PRR27: variants seen among roughly 807,000 people sequenced by gnomAD.
The protein encoded by PRR27 is proline rich 27.
Under a neutral mutation model 16.8 loss-of-function variants are expected in PRR27, and 12 were observed. The observed-to-expected ratio is 0.71, with a 90% CI of 0.46 to 1.16. The LOEUF (loss-of-function observed/expected upper bound fraction) is 1.16. PRR27 is among the 50% of genes most tolerant of loss of function. The probability of loss-of-function intolerance (pLI) is 0.00; values close to 1 mark genes in which losing one functional copy is unlikely to be tolerated. For missense variants in PRR27, 277 were observed against 273.3 expected (o/e 1.01, Z -0.10); for synonymous variants, 100 against 98.4 (o/e 1.02, Z -0.10).
rs192268897 is a variant in PRR27 at position 70,159,653 on chromosome 4, G to A, written c.648+753G>A. ...TTATTATATCTATAACATACACAAC[G>A]TGTACATAATGTGTATATGTAGTAC... On this transcript the variant is annotated intron_variant, in intron 3 of 4. Coordinates refer to ENST00000344526, the MANE Select transcript of PRR27 (RefSeq NM_214711.4). Among the ~76,000 whole-genome samples the A allele has an allele frequency of 1.1e-4, 17 of 152,116 alleles. No individual in the cohort carries two copies. In the East Asian group the frequency reaches 1.4e-3, roughly 12 times the overall value.
chr4:70,165,761 G>C lies in PRR27; in HGVS notation c.*3100G>C, dbSNP rs1442773569. 2 of 152,064 alleles carry C rather than the reference G, an allele frequency of 1.3e-5. No homozygotes were observed. Among genetic ancestry groups the C allele is most frequent in the African/African-American group, 4.8e-5 (2 of 41,424 alleles). 9.4% of individuals were successfully genotyped at this position (152,064 alleles called of 1,614,324 possible). A position where few individuals can be genotyped will look rare whatever the true frequency, so the allele number is the denominator to read the frequency against. On this transcript the variant is annotated 3_prime_UTR_variant, in exon 5 of 5. Coordinates refer to ENST00000344526, the MANE Select transcript of PRR27 (RefSeq NM_214711.4). The stretch of plus-strand genomic sequence containing the variant: ...GATATAATGTCATTGCTTACAGAAG[G>C]TGACTGATTCTTATTCAGTGCTACT...
chr4:70,155,332 G>A (rs1469169538), intron 1 of PRR27, among the ~76,000 whole-genome samples: 1 of 151,056 alleles, frequency 6.6e-6, no homozygotes, highest in African/African-American at 2.4e-5. Context: ...CTGTGAAGAG[G>A]TGGCAAAGAC....
intron 1 of PRR27, chr4:70,154,711 A>G (rs985608937): frequency 5.5e-5 from 75 of 1,366,454 alleles, no homozygotes; most frequent in Non-Finnish European, 7.2e-5. Context: ...TCCCACGTAG[A>G]TTATCTTAAC....
In PRR27 at chr4:70,154,494, T is replaced by C. The variant is rs537659763; in HGVS notation, c.51+68T>C. 1.7e-5 allele frequency: 21 copies of C among 1,245,590 alleles called. No individual in the cohort carries two copies. The East Asian group carries it at 4.9e-4, about 29-fold the overall frequency. 77.2% of individuals were successfully genotyped at this position (1,245,590 alleles called of 1,614,324 possible). A position where few individuals can be genotyped will look rare whatever the true frequency, so the allele number is the denominator to read the frequency against. Reference sequence around the variant, plus strand: ...TTTGCTAATTGTTTATAGGCATTTGTGCTTATGATAAAGTACTATAGTGTT... The same window carrying C: ...TTTGCTAATTGTTTATAGGCATTTGCGCTTATGATAAAGTACTATAGTGTT... On this transcript the variant is annotated intron_variant, in intron 1 of 4. Coordinates refer to ENST00000344526, the MANE Select transcript of PRR27 (RefSeq NM_214711.4).
chr4:70,157,072 T>G lies in PRR27; in HGVS notation c.75+995T>G, dbSNP rs548579864. ...ACAATGCAAATAATTGATATTTGCC[T>G]CTATGAACACCTGGGGACATATATT... On this transcript the variant is annotated intron_variant, in intron 2 of 4. Transcript: ENST00000344526. 2.0e-5 allele frequency among the ~76,000 whole-genome samples: 3 copies of G among 152,208 alleles called. No homozygotes were observed. In the East Asian group the frequency reaches 5.8e-4, roughly 29 times the overall value.
At chr4:70,160,999 C>T (rs1234197618) in intron 3 of PRR27, among the ~76,000 whole-genome samples, 1 of 151,642 alleles carries the variant, frequency 6.6e-6, no homozygotes, top group Non-Finnish European at 1.5e-5. Context: ...TTAAGATATT[C>T]ACCAAGGGGT....
Position 70,154,431 on chromosome 4 carries a change from G to T in PRR27, c.51+5G>T. The T allele has an allele frequency of 6.2e-7, 1 of 1,608,500 alleles. No homozygotes were observed. Among genetic ancestry groups the T allele is most frequent in the African/African-American group, 1.3e-5 (1 of 74,890 alleles). ...TGTGTTGCTTTTGCAAGGAAGGTAA[G>T]TAAATGGACTTCCAAAATTGTAACA... On this transcript the variant is annotated splice_donor_5th_base_variant and intron_variant, in intron 1 of 4. Transcript: ENST00000344526.
chr4:70,157,065 A>G (rs1728498975), intron 2 of PRR27, among the ~76,000 whole-genome samples: 2 of 152,118 alleles, frequency 1.3e-5, no homozygotes, highest in Admixed American at 6.6e-5. Context: ...AATAATTGAT[A>G]TTTGCCTCTA....
At chr4:70,154,651 A>C (rs1405403325) in intron 1 of PRR27, 1 of 902,764 alleles carries the variant, frequency 1.1e-6, no homozygotes, top group Non-Finnish European at 1.7e-6. Flanking sequence ...AAAGGAGGTA[A>C]GTTCATAAAT....
chr4:70,155,061 T>TCAGG (rs1474006817), intron 1 of PRR27, among the ~76,000 whole-genome samples: 13 of 152,144 alleles, frequency 8.5e-5, no homozygotes, highest in Admixed American at 3.3e-4. Flanking sequence ...TATAAAGTGC[T>TCAGG]TAGCAGAGTA....
chr4:70,154,303 A>G lies in PRR27; in HGVS notation c.-73A>G, dbSNP rs566717318. Reference sequence around the variant, plus strand: ...CGTTTCTCTCTAAAAGAAGAAAAATATAATTTAAAAATACATTGCGTATTT... The same window carrying G: ...CGTTTCTCTCTAAAAGAAGAAAAATGTAATTTAAAAATACATTGCGTATTT... On this transcript the variant is annotated 5_prime_UTR_variant, in exon 1 of 5. The change creates a new upstream start codon in the 5' untranslated region. Coordinates refer to ENST00000344526, the MANE Select transcript of PRR27 (RefSeq NM_214711.4). The G allele has an allele frequency of 3.2e-5, 40 of 1,258,502 alleles. No homozygotes were observed. Among genetic ancestry groups the G allele is most frequent in the African/African-American group, 6.1e-5 (4 of 65,534 alleles). The allele number at this position is 1,258,502 out of a possible 1,614,324, so 78.0% of individuals were successfully genotyped here.
Position 70,166,529 on chromosome 4 carries a change from A to T in PRR27, c.*3868A>T, listed in dbSNP as rs1375269992. On this transcript the variant is annotated 3_prime_UTR_variant, in exon 5 of 5. Coordinates refer to ENST00000344526, the MANE Select transcript of PRR27 (RefSeq NM_214711.4). ...ATCCATATATGAGTATGACACCAAT[A>T]AGAACATTTTCTCTAACCATTTTGA... 1 of 152,120 alleles carries T rather than the reference A, an allele frequency of 6.6e-6. No homozygotes were observed. The highest frequency in any genetic ancestry group is 2.4e-5 in the African/African-American group (1 of 41,460). 9.4% of individuals were successfully genotyped at this position (152,120 alleles called of 1,614,324 possible). A position where few individuals can be genotyped will look rare whatever the true frequency, so the allele number is the denominator to read the frequency against.
rs1728543696 is a variant in PRR27, at chr4:70,158,444, G to A, written c.192G>A (p.Gly64=). Reference sequence around the variant, plus strand: ...TGAATACAGTCCCCAGTTACCCTGGGAATACTTACACTGACACAGGGTTAC... The same window carrying A: ...TGAATACAGTCCCCAGTTACCCTGGAAATACTTACACTGACACAGGGTTAC... ...RPVNTVPSYP[G]NTYTDTGLPS... is the part of the protein sequence containing the mutation. The change falls in exon 3 of 5, where the codon GGG becomes GGA. Residue 64 remains glycine (G), a synonymous_variant. Transcript: ENST00000344526. The A allele has an allele frequency of 1.9e-6, 3 of 1,613,898 alleles. No individual in the cohort carries two copies. Among genetic ancestry groups the A allele is most frequent in the African/African-American group, 2.7e-5 (2 of 74,860 alleles).
At chr4:70,161,489 C>CA in intron 3 of PRR27, 97 bp from the exon 4 acceptor site, 1 of 689,578 alleles carries the variant, frequency 1.5e-6, no homozygotes, top group Non-Finnish European at 2.4e-6. Flanking sequence ...CACAACTTCT[C>CA]AGAGAAGAAA....
In PRR27 at chr4:70,164,843, T is replaced by C. The variant is rs555106398; in HGVS notation, c.*2182T>C. On this transcript the variant is annotated 3_prime_UTR_variant, in exon 5 of 5. Coordinates refer to ENST00000344526, the MANE Select transcript of PRR27 (RefSeq NM_214711.4). ...GGTGTTTAGTATCACATTTAGAATG[T>C]AGTCATTTGTTAAGTTTTTCATGGG... is the stretch of plus-strand genomic sequence containing the variant. 23 of 152,242 alleles carry C rather than the reference T, an allele frequency of 1.5e-4. No individual in the cohort carries two copies. The South Asian group carries it at 4.8e-3, about 32-fold the overall frequency. The allele number at this position is 152,242 out of a possible 1,614,324, so 9.4% of individuals were successfully genotyped here.
Position 70,160,099 on chromosome 4 carries a change from G to T in PRR27, c.648+1199G>T, listed in dbSNP as rs146478555. Among the ~76,000 whole-genome samples the T allele has an allele frequency of 6.2e-4, 95 of 152,142 alleles. 1 individual carries two copies. The highest frequency in any genetic ancestry group is 2.1e-3 in the African/African-American group (89 of 41,500). ...GTACATATGCAGATTTGTTACATGG[G>T]AATATGGTGTGATGCTGAGGTTTAG... On this transcript the variant is annotated intron_variant, in intron 3 of 4. Transcript: ENST00000344526.
rs1175011114 is a variant in PRR27 at position 70,161,567 on chromosome 4, T to C, written c.649-19T>C. 5 of 1,490,860 alleles carry C rather than the reference T, an allele frequency of 3.4e-6. No homozygotes were observed. Among genetic ancestry groups the C allele is most frequent in the Non-Finnish European group, 4.6e-6 (5 of 1,075,724 alleles). The allele number at this position is 1,490,860 out of a possible 1,614,324, so 92.4% of individuals were successfully genotyped here. On this transcript the variant is annotated intron_variant, in intron 3 of 4. Coordinates refer to ENST00000344526, the MANE Select transcript of PRR27 (RefSeq NM_214711.4). ...CATTTGATTGTTTATGAAAAGATCT[T>C]TTTTTTAATGTTTTCTAGGCAAATC...
rs1053442993 is a variant in PRR27, at chr4:70,160,305, T to C, written c.649-1281T>C. Among the ~76,000 whole-genome samples, 9 of 152,272 alleles carry C rather than the reference T, an allele frequency of 5.9e-5. No homozygotes were observed. In the South Asian group the frequency reaches 1.7e-3, roughly 28 times the overall value. On this transcript the variant is annotated intron_variant, in intron 3 of 4. Transcript: ENST00000344526. Reference sequence around the variant, plus strand: ...ACACAGATATCTAGATCTTTGTATCTACATCTTTGTGGCCTGTTTTCCCAT... The same window carrying C: ...ACACAGATATCTAGATCTTTGTATCCACATCTTTGTGGCCTGTTTTCCCAT...
At chr4:70,161,520 C>G (rs1237453601) in intron 3 of PRR27, 66 bp from the exon 4 acceptor site, 1 of 1,016,378 alleles carries the variant, frequency 9.8e-7, no homozygotes. Flanking sequence ...AAAAGATAGG[C>G]CCAATACTAT....
Sources: gnomAD v4.1 joint callset for allele counts (sites outside exome capture counted in the v4.1 genomes callset) on GRCh38, gnomAD v4.1.1 for gene constraint, MANE v1.5 for transcripts, NCBI Gene and HGNC (gene_info 2026-07-23, HGNC 2026-07-21) for gene names.